CNTN4: variants seen among roughly 807,000 people sequenced by gnomAD.
The protein encoded by CNTN4 is contactin 4, also known as contactin-4.
A neutral mutation model predicts 122.5 loss-of-function variants in CNTN4; 77 were observed. The ratio of observed to expected loss-of-function variants is 0.63; its 90% CI spans 0.52 to 0.76. The LOEUF (loss-of-function observed/expected upper bound fraction) is 0.76, where lower values mean the gene tolerates loss of function less well. Ranked by LOEUF, CNTN4 falls within the 30% of genes least tolerant of loss-of-function variation. CNTN4 has a pLI of 0.00. For synonymous variants in CNTN4, 512 were observed against 447.0 expected (o/e 1.15, Z -1.83); for missense variants, 1,256 against 1,259.1 (o/e 1.00, Z 0.04).
At chr3:2,795,806 C>T (rs1426470193) in intron 6 of CNTN4, among the ~76,000 whole-genome samples, 3 of 152,086 alleles carry the variant, frequency 2.0e-5, no homozygotes, top group African/African-American at 7.2e-5. Flanking sequence ...AGACGTGAGC[C>T]ACCACGCCCA....
chr3:2,247,893 C>G (rs950716076), intron 2 of CNTN4, among the ~76,000 whole-genome samples: 1 of 152,012 alleles, frequency 6.6e-6, no homozygotes, highest in Non-Finnish European at 1.5e-5. Context: ...TCTCTCAGGA[C>G]TTCATGCATG....
chr3:2,365,568 C>A (rs575677121), intron 3 of CNTN4, among the ~76,000 whole-genome samples: 3 of 152,252 alleles, frequency 2.0e-5, no homozygotes, highest in African/African-American at 7.2e-5. Flanking sequence ...GAGAAAGAGA[C>A]AATAGAATGT....
At chr3:2,109,700 A>G (rs4260421) in intron 2 of CNTN4, among the ~76,000 whole-genome samples, 151,506 of 152,310 alleles carry the variant, frequency 0.99, 75,357 homozygotes, top group East Asian at 1. Context: ...TCATCATTTT[A>G]AGTTGTGCAA....
At chr3:2,381,825 TC>T (rs1459879664) in intron 3 of CNTN4, among the ~76,000 whole-genome samples, 7 of 152,168 alleles carry the variant, frequency 4.6e-5, no homozygotes, top group Non-Finnish European at 1.0e-4. Flanking sequence ...TTGAAAATAT[TC>T]AGAAAACATA....
At chr3:2,372,189 C>T (rs140238435) in intron 3 of CNTN4, among the ~76,000 whole-genome samples, 145 of 152,246 alleles carry the variant, frequency 9.5e-4, no homozygotes, top group African/African-American at 3.4e-3. Context: ...CTTGCAGTAG[C>T]TCTATTTATT....
At chr3:2,570,698 T>C (rs1327306296) in intron 3 of CNTN4, among the ~76,000 whole-genome samples, 3 of 152,160 alleles carry the variant, frequency 2.0e-5, no homozygotes, top group Non-Finnish European at 4.4e-5. Context: ...CTTCACTCAG[T>C]TACTCACTTT....
chr3:2,829,165 T>A (rs1005474724), intron 7 of CNTN4, among the ~76,000 whole-genome samples: 4 of 152,206 alleles, frequency 2.6e-5, no homozygotes, highest in African/African-American at 9.7e-5. Flanking sequence ...CTCTTCCCCG[T>A]TTGCCAATCA....
chr3:2,377,150 A>G (rs11712207), intron 3 of CNTN4, among the ~76,000 whole-genome samples: 17,548 of 104,490 alleles, frequency 0.17, 1,298 homozygotes, highest in Non-Finnish European at 0.21. Context: ...GCGAGATTCC[A>G]TCTCAAGGAA....
chr3:2,828,318 C>G (rs186368284), intron 7 of CNTN4, among the ~76,000 whole-genome samples: 77 of 152,084 alleles, frequency 5.1e-4, no homozygotes, highest in African/African-American at 1.8e-3. Flanking sequence ...TGAGAGATGC[C>G]TTATCACCTG....
intron 13 of CNTN4, among the ~76,000 whole-genome samples, chr3:2,976,710 A>G (rs930299388): frequency 1.3e-5 from 2 of 152,346 alleles, no homozygotes; most frequent in African/African-American, 2.4e-5. Context: ...CTTTCTTTCT[A>G]TAATTCAAAA....
chr3:2,875,203 G>T (rs146622330), intron 8 of CNTN4, among the ~76,000 whole-genome samples: 1 of 151,992 alleles, frequency 6.6e-6, no homozygotes, highest in Non-Finnish European at 1.5e-5. Context: ...GGCTGGTCTC[G>T]AACTTCTGAC....
chr3:2,446,630 T>C (rs943172545), intron 3 of CNTN4, among the ~76,000 whole-genome samples: 2 of 152,204 alleles, frequency 1.3e-5, no homozygotes, highest in African/African-American at 4.8e-5. Context: ...GATTTGGAGC[T>C]TGTCTCTCTA....
intron 3 of CNTN4, among the ~76,000 whole-genome samples, chr3:2,372,436 A>G (rs2045667461): frequency 6.6e-6 from 1 of 152,258 alleles, no homozygotes; most frequent in South Asian, 2.1e-4. Flanking sequence ...GATGTGACAC[A>G]TTCAGTGCTA....
At chr3:3,022,414 T>C (rs1248426433) in intron 14 of CNTN4, among the ~76,000 whole-genome samples, 2 of 152,086 alleles carry the variant, frequency 1.3e-5, no homozygotes, top group East Asian at 3.9e-4. Flanking sequence ...AAATACAAAA[T>C]ATAAAACAGC....
chr3:2,888,956 T>G (rs113978602), intron 10 of CNTN4, among the ~76,000 whole-genome samples: 164 of 151,704 alleles, frequency 1.1e-3, no homozygotes, highest in African/African-American at 3.8e-3. Context: ...CTTCCTAGCC[T>G]GTCAGAATGG....
Position 2,696,968 on chromosome 3 carries a change from G to C in CNTN4, c.56-39247G>C, listed in dbSNP as rs766931697. Reference sequence around the variant, plus strand: ...ATAAAGTATGTGAATACTTAGGAACGGAAGGTTGCGAATTAAAAAATAAAA... The same window carrying C: ...ATAAAGTATGTGAATACTTAGGAACCGAAGGTTGCGAATTAAAAAATAAAA... On this transcript the variant is annotated intron_variant, in intron 4 of 24. Transcript: ENST00000418658. Among the ~76,000 whole-genome samples, 3 of 152,132 alleles carry C rather than the reference G, an allele frequency of 2.0e-5. No individual in the cohort carries two copies. In the South Asian group the frequency reaches 6.2e-4, roughly 32 times the overall value.
chr3:2,342,630 T>A (rs933364691), intron 3 of CNTN4, among the ~76,000 whole-genome samples: 19 of 152,096 alleles, frequency 1.2e-4, no homozygotes, highest in Admixed American at 3.3e-4. Flanking sequence ...TCTCATGAGA[T>A]CTGATAGTAT....
intron 7 of CNTN4, among the ~76,000 whole-genome samples, chr3:2,848,306 A>G (rs1263442290): frequency 6.6e-6 from 1 of 152,218 alleles, no homozygotes; most frequent in Non-Finnish European, 1.5e-5. Flanking sequence ...GAGGCTGAGT[A>G]GAAATCTGGG....
intron 2 of CNTN4, among the ~76,000 whole-genome samples, chr3:2,326,521 C>CAT (rs749437976): frequency 1.5e-5 from 2 of 136,570 alleles, no homozygotes; most frequent in Non-Finnish European, 3.3e-5. Flanking sequence ...CACACACACA[C>CAT]ACACACAATC....
Sources: gnomAD v4.1 joint callset for allele counts (sites outside exome capture counted in the v4.1 genomes callset) on GRCh38, gnomAD v4.1.1 for gene constraint, MANE v1.5 for transcripts, NCBI Gene and HGNC (gene_info 2026-07-23, HGNC 2026-07-21) for gene names.